NTNG1: variants seen among roughly 807,000 people sequenced by gnomAD.
The protein encoded by NTNG1 is netrin-G1.
NTNG1 carries 16 observed loss-of-function variants against 54.0 expected under a neutral mutation model. The ratio of observed to expected loss-of-function variants is 0.30; its 90% CI spans 0.20 to 0.45. NTNG1 has a LOEUF of 0.45. NTNG1 is among the 20% of genes least tolerant of loss of function. The pLI is 1.00. For synonymous variants in NTNG1, 255 were observed against 263.1 expected, an observed-to-expected ratio of 0.97 and a Z score of 0.30; for missense variants, 530 against 678.7, an observed-to-expected ratio of 0.78 and a Z score of 2.43.
intron 2 of NTNG1, among the ~76,000 whole-genome samples, chr1:107,249,802 G>A (rs2101614003): frequency 6.6e-6 from 1 of 152,232 alleles, no homozygotes; most frequent in African/African-American, 2.4e-5. Flanking sequence ...TAAAAACTAT[G>A]GGACTAACAC....
At chr1:107,413,174 T>C (rs950232363) in intron 5 of NTNG1, among the ~76,000 whole-genome samples, 9 of 152,048 alleles carry the variant, frequency 5.9e-5, no homozygotes, top group African/African-American at 1.9e-4. Flanking sequence ...TTTCATTTTT[T>C]TTTTCTGAGA....
At chr1:107,223,418 A>G (rs1660479422) in intron 2 of NTNG1, among the ~76,000 whole-genome samples, 2 of 152,150 alleles carry the variant, frequency 1.3e-5, no homozygotes, top group South Asian at 4.1e-4. Context: ...GAAGCCACAG[A>G]TGAGAAAATT....
intron 4 of NTNG1, among the ~76,000 whole-genome samples, chr1:107,403,441 G>A (rs985134270): frequency 8.5e-5 from 13 of 152,126 alleles, no homozygotes; most frequent in African/African-American, 2.9e-4. Context: ...TGAGCGTGGT[G>A]GCTTATACCT....
chr1:107,321,967 G>A (rs1036987039), intron 2 of NTNG1, among the ~76,000 whole-genome samples: 1 of 152,154 alleles, frequency 6.6e-6, no homozygotes, highest in African/African-American at 2.4e-5. Flanking sequence ...TTCCTCTTCT[G>A]TAAGGTAGGG....
chr1:107,444,333 T>TC (rs1261591524), intron 7 of NTNG1, among the ~76,000 whole-genome samples: 2 of 152,138 alleles, frequency 1.3e-5, no homozygotes, highest in African/African-American at 4.8e-5. Flanking sequence ...CTTCACACAC[T>TC]AAGGGCTCCA....
intron 6 of NTNG1, among the ~76,000 whole-genome samples, chr1:107,434,122 AAAG>A (rs1220266741): frequency 1.3e-5 from 2 of 152,228 alleles, no homozygotes; most frequent in African/African-American, 4.8e-5. Context: ...AAAAATAAAA[AAAG>A]AACACTTTGC....
chr1:107,329,129 C>T (rs1446245041), intron 3 of NTNG1: 3 of 152,090 alleles, frequency 2.0e-5, no homozygotes, highest in Admixed American at 1.3e-4. Context: ...CTTTTTCTAC[C>T]TCCATTGTTT....
intron 2 of NTNG1, among the ~76,000 whole-genome samples, chr1:107,244,838 C>A (rs1662086440): frequency 6.6e-6 from 1 of 152,164 alleles, no homozygotes; most frequent in Non-Finnish European, 1.5e-5. Context: ...GCATCTTGCA[C>A]TGGAGAATTT....
At chr1:107,350,355 G>C (rs570521292) in intron 3 of NTNG1, among the ~76,000 whole-genome samples, 2 of 151,922 alleles carry the variant, frequency 1.3e-5, no homozygotes, top group Non-Finnish European at 2.9e-5. Flanking sequence ...GGTGACTTTT[G>C]ATGAATAGAT....
At chr1:107,217,867 A>G (rs1227520162) in intron 2 of NTNG1, among the ~76,000 whole-genome samples, 1 of 152,166 alleles carries the variant, frequency 6.6e-6, no homozygotes, top group Non-Finnish European at 1.5e-5. Flanking sequence ...GTGGCCTATC[A>G]TTTGGTCTAT....
chr1:107,437,700 T>A (rs1252214829), intron 7 of NTNG1, among the ~76,000 whole-genome samples: 1 of 152,180 alleles, frequency 6.6e-6, no homozygotes, highest in Non-Finnish European at 1.5e-5. Flanking sequence ...TTAATTTTAA[T>A]AACTATTATA....
intron 2 of NTNG1, among the ~76,000 whole-genome samples, chr1:107,289,256 G>T (rs990997200): frequency 6.6e-6 from 1 of 152,038 alleles, no homozygotes; most frequent in Non-Finnish European, 1.5e-5. Context: ...TCTTCATCGG[G>T]AACCTTGTGC....
At chr1:107,243,116 A>G (rs931737805) in intron 2 of NTNG1, among the ~76,000 whole-genome samples, 27 of 152,330 alleles carry the variant, frequency 1.8e-4, no homozygotes, top group African/African-American at 6.0e-4. Flanking sequence ...AAATTATACA[A>G]AATATTTTTT....
intron 3 of NTNG1, among the ~76,000 whole-genome samples, chr1:107,329,716 C>T (rs1668167586): frequency 6.6e-6 from 1 of 152,092 alleles, no homozygotes; most frequent in African/African-American, 2.4e-5. Flanking sequence ...TGAGGTTGGG[C>T]TTTACTGCCA....
rs186855115 is a variant in NTNG1, at chr1:107,237,891, C to A, written c.247-86391C>A. 3.1e-3 allele frequency among the ~76,000 whole-genome samples: 478 copies of A among 152,318 alleles called. 2 individuals carry two copies. The highest frequency in any genetic ancestry group is 5.5e-3 in the Non-Finnish European group (375 of 68,024). ...GGGATGGGACCCTCATGGAGAACCT[C>A]TGCTAGGTCAGTGTGGAAGGGAAAT... On this transcript the variant is annotated intron_variant, in intron 2 of 7. Transcript: ENST00000370068.
intron 3 of NTNG1, among the ~76,000 whole-genome samples, chr1:107,360,973 A>G (rs1447901513): frequency 1.3e-5 from 2 of 151,890 alleles, no homozygotes; most frequent in Non-Finnish European, 2.9e-5. Context: ...CTTCTCGTGT[A>G]ACTGCTATCT....
At chr1:107,324,977 CAG>C in intron 3 of NTNG1, 55 bp downstream of exon 3, 4 of 1,491,486 alleles carry the variant, frequency 2.7e-6, no homozygotes, top group African/African-American at 2.8e-5. Context: ...AAGAAAATGC[CAG>C]AGTGTCTCAC....
chr1:107,418,328 T>C (rs1346129916), intron 5 of NTNG1, among the ~76,000 whole-genome samples: 4 of 152,076 alleles, frequency 2.6e-5, no homozygotes, highest in Non-Finnish European at 5.9e-5. Context: ...GTAAGAACAC[T>C]CTACCTTATT....
At chr1:107,327,263 CT>C (rs1668014628) in intron 3 of NTNG1, among the ~76,000 whole-genome samples, 7 of 152,036 alleles carry the variant, frequency 4.6e-5, no homozygotes, top group African/African-American at 1.7e-4. Flanking sequence ...TATTTTTAGT[CT>C]TAGGGGAGGG....
Sources: gnomAD v4.1 joint callset for allele counts (sites outside exome capture counted in the v4.1 genomes callset) on GRCh38, gnomAD v4.1.1 for gene constraint, MANE v1.5 for transcripts, NCBI Gene and HGNC (gene_info 2026-07-23, HGNC 2026-07-21) for gene names.